AUTS2: variants seen among roughly 807,000 people sequenced by gnomAD.
The protein encoded by AUTS2 is activator of transcription and developmental regulator AUTS2.
A neutral mutation model predicts 112.4 loss-of-function variants in AUTS2; 17 were observed. The ratio of observed to expected loss-of-function variants is 0.15; its 90% CI spans 0.10 to 0.23. The LOEUF is 0.23. Among genes scored for constraint, AUTS2 ranks in the 10% least tolerant of loss-of-function variants. The pLI is 1.00. For synonymous variants in AUTS2, 751 were observed against 702.7 expected, an observed-to-expected ratio of 1.07 and a Z score of -1.09; for missense variants, 1,510 against 1,701.6, an observed-to-expected ratio of 0.89 and a Z score of 1.98.
intron 4 of AUTS2, among the ~76,000 whole-genome samples, chr7:70,151,354 C>T (rs751869297): frequency 6.6e-6 from 1 of 152,124 alleles, no homozygotes; most frequent in African/African-American, 2.4e-5. Flanking sequence ...TTCTCACCAG[C>T]AGGATTGGAA....
At chr7:70,054,096 G>A (rs1295274500) in intron 2 of AUTS2, among the ~76,000 whole-genome samples, 2 of 152,052 alleles carry the variant, frequency 1.3e-5, no homozygotes, top group Admixed American at 6.5e-5. Context: ...TATTCAATTC[G>A]GTAGCTACTA....
chr7:69,627,045 A>T (rs116959664), intron 1 of AUTS2, among the ~76,000 whole-genome samples: 2,365 of 152,368 alleles, frequency 0.016, 32 homozygotes, highest in Non-Finnish European at 0.025. Flanking sequence ...TTCTTGAATG[A>T]TAAGATGCCT....
At chr7:70,779,066 T>C (rs1170397868) in intron 14 of AUTS2, among the ~76,000 whole-genome samples, 1 of 152,228 alleles carries the variant, frequency 6.6e-6, no homozygotes. Flanking sequence ...AGCTCCATTT[T>C]GCTTCATGGC....
chr7:70,400,601 A>G (rs562121868), intron 4 of AUTS2, among the ~76,000 whole-genome samples: 68 of 152,278 alleles, frequency 4.5e-4, no homozygotes, highest in Admixed American at 1.1e-3. Flanking sequence ...AAGTCGCCTG[A>G]TGTGCGACCA....
chr7:69,811,420 C>T (rs1422143359), intron 1 of AUTS2, among the ~76,000 whole-genome samples: 1 of 151,924 alleles, frequency 6.6e-6, no homozygotes, highest in Non-Finnish European at 1.5e-5. Context: ...TGAGATAGTT[C>T]CCCAGTGTAC....
At chr7:70,139,996 CA>C (rs1208663936) in intron 4 of AUTS2, among the ~76,000 whole-genome samples, 5 of 151,766 alleles carry the variant, frequency 3.3e-5, no homozygotes, top group Admixed American at 2.0e-4. Context: ...AGCGAGATCT[CA>C]AAAAAAATTT....
At chr7:70,515,219 T>G (rs1563008635) in intron 5 of AUTS2, among the ~76,000 whole-genome samples, 1 of 152,078 alleles carries the variant, frequency 6.6e-6, no homozygotes, top group African/African-American at 2.4e-5. Context: ...CATGATCAGA[T>G]TTGCTATAGA....
At chr7:70,352,675 A>T (rs1791820884) in intron 4 of AUTS2, among the ~76,000 whole-genome samples, 1 of 152,166 alleles carries the variant, frequency 6.6e-6, no homozygotes, top group Non-Finnish European at 1.5e-5. Flanking sequence ...CCCTCTCAGA[A>T]CTTAAGGTAC....
chr7:69,953,945 A>G (rs1797122858), intron 2 of AUTS2, among the ~76,000 whole-genome samples: 1 of 152,050 alleles, frequency 6.6e-6, no homozygotes, highest in Admixed American at 6.6e-5. Context: ...CAGATAACAT[A>G]TTTGTGCAGC....
chr7:69,814,793 T>G (rs1290507059), intron 1 of AUTS2, among the ~76,000 whole-genome samples: 2 of 152,206 alleles, frequency 1.3e-5, no homozygotes, highest in African/African-American at 4.8e-5. Context: ...GGGGGCTGGG[T>G]GCTTGCAGAG....
At chr7:69,653,855 C>T (rs1363269350) in intron 1 of AUTS2, among the ~76,000 whole-genome samples, 3 of 152,122 alleles carry the variant, frequency 2.0e-5, no homozygotes, top group Non-Finnish European at 4.4e-5. Context: ...CAGCTTTGTT[C>T]TTCTGGGCCT....
intron 5 of AUTS2, among the ~76,000 whole-genome samples, chr7:70,456,629 C>T (rs147440063): frequency 2.0e-4 from 30 of 152,354 alleles, no homozygotes; most frequent in Non-Finnish European, 3.8e-4. Flanking sequence ...GCAGGCAGGC[C>T]AGCCTTCTGG....
chr7:70,664,984 G>T (rs1168450109), intron 5 of AUTS2, among the ~76,000 whole-genome samples: 1 of 152,070 alleles, frequency 6.6e-6, no homozygotes, highest in Non-Finnish European at 1.5e-5. Context: ...GAGGCAGAAG[G>T]ATCGCTTGAG....
chr7:69,869,381 A>G (rs1793380239), intron 1 of AUTS2, among the ~76,000 whole-genome samples: 1 of 151,954 alleles, frequency 6.6e-6, no homozygotes, highest in African/African-American at 2.4e-5. Flanking sequence ...GATATATTTT[A>G]TTTCTGATTT....
At chr7:70,299,483 C>T (rs909072061) in intron 4 of AUTS2, among the ~76,000 whole-genome samples, 20 of 152,228 alleles carry the variant, frequency 1.3e-4, no homozygotes, top group African/African-American at 4.6e-4. Flanking sequence ...TTTCTCCTCT[C>T]TCACAAGCTG....
intron 5 of AUTS2, among the ~76,000 whole-genome samples, chr7:70,496,501 ACAT>A (rs1304242503): frequency 7.4e-6 from 1 of 134,724 alleles, no homozygotes; most frequent in Non-Finnish European, 1.6e-5. Context: ...TGCACACGTC[ACAT>A]CAGCGTCGAT....
intron 5 of AUTS2, among the ~76,000 whole-genome samples, chr7:70,459,499 C>T (rs974388764): frequency 7.4e-4 from 113 of 152,282 alleles, no homozygotes; most frequent in African/African-American, 2.6e-3. Context: ...ATACATAGTC[C>T]AGGGTCCGTG....
At chr7:70,595,427 A>T (rs1803147428) in intron 5 of AUTS2, among the ~76,000 whole-genome samples, 1 of 151,928 alleles carries the variant, frequency 6.6e-6, no homozygotes, top group Non-Finnish European at 1.5e-5. Context: ...AATGTATACG[A>T]TGGAGATAAT....
In AUTS2 at chr7:70,781,611, G is replaced by A. The variant is rs1290235400; in HGVS notation, c.2005-4G>A. 2 of 1,613,984 alleles carry A rather than the reference G, an allele frequency of 1.2e-6. No individual in the cohort carries two copies. The highest frequency in any genetic ancestry group is 8.5e-7 in the Non-Finnish European group (1 of 1,179,954). ...GGACCCTTACTGTTCCCCTTGCTGT[G>A]TAGAAACAGATGCAGTCAGACCCAC... On this transcript the variant is annotated splice_region_variant and splice_polypyrimidine_tract_variant and intron_variant, in intron 14 of 18. Transcript: ENST00000342771.
Sources: allele counts gnomAD v4.1 joint callset (sites outside exome capture counted in the v4.1 genomes callset), GRCh38; gene constraint gnomAD v4.1.1; transcripts MANE v1.5; gene names NCBI Gene and HGNC (gene_info 2026-07-23, HGNC 2026-07-21).